The following NCKAP5 variants were observed in gnomAD, a reference collection of about 807,000 sequenced individuals.
The protein encoded by NCKAP5 is nck-associated protein 5.
NCKAP5 carries 92 observed loss-of-function variants against 167.0 expected under a neutral mutation model. The ratio of observed to expected loss-of-function variants is 0.55; its 90% CI spans 0.47 to 0.66. The LOEUF (loss-of-function observed/expected upper bound fraction) is 0.66. NCKAP5 is among the 30% of genes least tolerant of loss of function. The pLI is 0.00. For synonymous variants in NCKAP5, 891 were observed against 877.4 expected, an observed-to-expected ratio of 1.02 and a Z score of -0.27; for missense variants, 2,378 against 2,315.0, an observed-to-expected ratio of 1.03 and a Z score of -0.56.
At chr2:133,439,801 A>C (rs912048981) in intron 3 of NCKAP5, among the ~76,000 whole-genome samples, 2 of 152,136 alleles carry the variant, frequency 1.3e-5, no homozygotes, top group African/African-American at 4.8e-5. Flanking sequence ...CTTCTTCTCT[A>C]AGGTTTTATG....
intron 17 of NCKAP5, among the ~76,000 whole-genome samples, chr2:132,731,019 A>G (rs1218282694): frequency 6.6e-6 from 1 of 152,214 alleles, no homozygotes; most frequent in African/African-American, 2.4e-5. Flanking sequence ...CTCATACATG[A>G]AAGTGTTCGA....
chr2:133,286,991 T>C (rs571580159), intron 4 of NCKAP5, among the ~76,000 whole-genome samples: 1 of 152,182 alleles, frequency 6.6e-6, no homozygotes, highest in Non-Finnish European at 1.5e-5. Context: ...ATCCATCCCA[T>C]ACTATATCTG....
rs935483546 is a variant in NCKAP5, at chr2:133,116,348, C to T, written c.341+13630G>A. Among the ~76,000 whole-genome samples the T allele has an allele frequency of 1.2e-4, 15 of 124,768 alleles. 4 individuals carry two copies. The highest frequency in any genetic ancestry group is 3.2e-5 in the Non-Finnish European group (2 of 62,094). The allele number at this position is 124,768 out of a possible 152,430, so 81.9% of individuals were successfully genotyped here. On this transcript the variant is annotated intron_variant, in intron 6 of 19. Coordinates refer to ENST00000409261, the MANE Select transcript of NCKAP5 (RefSeq NM_207363.3). ...TAAAAATACAAAAAAATTAGCCGGG[C>T]GTGGTGGCGGGCGCCTGTAGTCCCA...
intron 8 of NCKAP5, among the ~76,000 whole-genome samples, chr2:132,895,497 A>G (rs1322781435): frequency 6.6e-6 from 1 of 152,178 alleles, no homozygotes; most frequent in African/African-American, 2.4e-5. Flanking sequence ...AACATCTGGA[A>G]GACATCTAGC....
chr2:133,261,051 G>A (rs895398209), intron 4 of NCKAP5, among the ~76,000 whole-genome samples: 8 of 152,188 alleles, frequency 5.3e-5, no homozygotes, highest in African/African-American at 9.7e-5. Flanking sequence ...GGAAGGTGAG[G>A]AGGATCTTTT....
chr2:132,796,089 A>T (rs1684582596), intron 12 of NCKAP5, among the ~76,000 whole-genome samples: 1 of 152,168 alleles, frequency 6.6e-6, no homozygotes, highest in Non-Finnish European at 1.5e-5. Flanking sequence ...ACAGTTATCC[A>T]CAAATGTTCA....
chr2:133,328,428 A>C (rs1435544320), intron 3 of NCKAP5, among the ~76,000 whole-genome samples: 1 of 152,214 alleles, frequency 6.6e-6, no homozygotes, highest in Admixed American at 6.5e-5. Context: ...TTTAAAACTT[A>C]ATACATTTTA....
intron 16 of NCKAP5, among the ~76,000 whole-genome samples, chr2:132,771,865 G>A (rs976191193): frequency 1.3e-4 from 7 of 53,176 alleles, no homozygotes; most frequent in Admixed American, 4.1e-4. Context: ...TTTTTTTTTT[G>A]TATTTTTAGT....
intron 2 of NCKAP5, among the ~76,000 whole-genome samples, chr2:133,526,234 AAG>A (rs1558755409): frequency 1.3e-4 from 13 of 96,894 alleles, no homozygotes; most frequent in East Asian, 3.8e-4. Flanking sequence ...GAAGAAAGGA[AAG>A]GAGGGAGGGA....
Position 133,248,990 on chromosome 2 carries a change from G to A in NCKAP5, c.144-35211C>T, listed in dbSNP as rs538909407. Among the ~76,000 whole-genome samples, 11 of 152,186 alleles carry A rather than the reference G, an allele frequency of 7.2e-5. No homozygotes were observed. In the South Asian group the frequency reaches 1.9e-3, roughly 26 times the overall value. On this transcript the variant is annotated intron_variant, in intron 4 of 19. Coordinates refer to ENST00000409261, the MANE Select transcript of NCKAP5 (RefSeq NM_207363.3). ...TTTAAATTTGTTTTTCTTGCTCAGC[G>A]TCTGCCAGAGAGATGCCTCTAAATT...
At chr2:132,724,674 T>C (rs1239941725) in intron 19 of NCKAP5, among the ~76,000 whole-genome samples, 1 of 152,100 alleles carries the variant, frequency 6.6e-6, no homozygotes, top group African/African-American at 2.4e-5. Context: ...ATCAGGGGTA[T>C]TCACCATTTT....
intron 16 of NCKAP5, among the ~76,000 whole-genome samples, chr2:132,762,380 C>A (rs185857070): frequency 6.6e-6 from 1 of 152,294 alleles, no homozygotes; most frequent in East Asian, 1.9e-4. Context: ...CCTTACTATG[C>A]CATAAGTTAC....
chr2:133,584,602 A>AT, the NCKAP5 span, among the ~76,000 whole-genome samples: 6 of 152,158 alleles, frequency 3.9e-5, no homozygotes, highest in African/African-American at 1.2e-4. Flanking sequence ...CATCTCTACT[A>AT]AATATACAAA....
intron 10 of NCKAP5, among the ~76,000 whole-genome samples, chr2:132,862,815 ATTTAT>A (rs896029648): frequency 9.3e-5 from 14 of 150,310 alleles, no homozygotes; most frequent in African/African-American, 2.7e-4. Flanking sequence ...CTTTATTTTT[ATTTAT>A]TTTATTTTAT....
intron 3 of NCKAP5, among the ~76,000 whole-genome samples, chr2:133,473,284 A>G (rs550293541): frequency 6.6e-6 from 1 of 152,160 alleles, no homozygotes; most frequent in African/African-American, 2.4e-5. Context: ...GTGAGCCGAG[A>G]TCGAGCCACT....
Position 133,271,711 on chromosome 2 carries a change from A to C in NCKAP5, c.143+31326T>G, listed in dbSNP as rs115664951. 6.0e-3 allele frequency among the ~76,000 whole-genome samples: 915 copies of C among 152,340 alleles called. 7 individuals are homozygous for C. Among genetic ancestry groups the C allele is most frequent in the Non-Finnish European group, 0.01 (705 of 68,032 alleles). ...ATGGGACTGGGCATCAGTGCAAAAT[A>C]AGCAGCTATAAAAGACATTTGGGAC... On this transcript the variant is annotated intron_variant, in intron 4 of 19. Transcript: ENST00000409261.
intron 4 of NCKAP5, chr2:133,267,171 A>G (rs2089282644): frequency 1.3e-5 from 2 of 152,032 alleles, no homozygotes; most frequent in South Asian, 4.1e-4. Flanking sequence ...GGAGCCTTCT[A>G]TTGTCTGCCC....
chr2:133,073,072 T>C (rs1368083079), intron 6 of NCKAP5, among the ~76,000 whole-genome samples: 1 of 152,120 alleles, frequency 6.6e-6, no homozygotes, highest in Non-Finnish European at 1.5e-5. Flanking sequence ...AAGCAGTCAT[T>C]TTTGTGCTTG....
chr2:133,155,288 A>G (rs894682793), intron 5 of NCKAP5, among the ~76,000 whole-genome samples: 1 of 152,342 alleles, frequency 6.6e-6, no homozygotes. Context: ...CCTAAACTTT[A>G]GAGTACATCA....
Sources: allele counts gnomAD v4.1 joint callset (sites outside exome capture counted in the v4.1 genomes callset), GRCh38; gene constraint gnomAD v4.1.1; transcripts MANE v1.5; gene names NCBI Gene and HGNC (gene_info 2026-07-23, HGNC 2026-07-21).